Variants in DOCK3 observed in about 807,000 individuals in gnomAD.
The protein encoded by DOCK3 is dedicator of cytokinesis protein 3.
In DOCK3, 60 loss-of-function variants were observed where a neutral mutation model predicts 265.6. The observed-to-expected ratio is 0.23, with a 90% confidence interval of 0.18 to 0.28. The LOEUF (loss-of-function observed/expected upper bound fraction) is 0.28, where lower values mean the gene tolerates loss of function less well. Ranked by LOEUF, DOCK3 falls within the 10% of genes least tolerant of loss-of-function variation. The probability of loss-of-function intolerance (pLI) is 1.00; values close to 1 mark genes in which losing one functional copy is unlikely to be tolerated. For synonymous variants in DOCK3, 881 were observed against 938.0 expected, an observed-to-expected ratio of 0.94 and a Z score of 1.11; for missense variants, 1,981 against 2,594.3, an observed-to-expected ratio of 0.76 and a Z score of 5.14.
At chr3:51,202,678 A>G (rs1262555703) in intron 12 of DOCK3, among the ~76,000 whole-genome samples, 1 of 152,196 alleles carries the variant, frequency 6.6e-6, no homozygotes, top group African/African-American at 2.4e-5. Flanking sequence ...TGAGGCCAGC[A>G]TCATCCGGAT....
intron 1 of DOCK3, among the ~76,000 whole-genome samples, chr3:50,698,517 G>T (rs373532643): frequency 4.6e-4 from 9 of 19,504 alleles, no homozygotes; most frequent in East Asian, 9.4e-4. Flanking sequence ...TATGTTTTTG[G>T]TTTTTTTTTT....
intron 2 of DOCK3, among the ~76,000 whole-genome samples, chr3:50,827,262 T>C (rs2044819283): frequency 6.6e-6 from 1 of 152,166 alleles, no homozygotes; most frequent in African/African-American, 2.4e-5. Flanking sequence ...ATAACAATAC[T>C]ATAGGCTGGG....
intron 3 of DOCK3, among the ~76,000 whole-genome samples, chr3:50,881,683 A>G (rs1268162596): frequency 2.0e-5 from 3 of 152,230 alleles, no homozygotes; most frequent in Admixed American, 6.5e-5. Context: ...GAAAATGGCC[A>G]TACTGCCCAA....
intron 12 of DOCK3, among the ~76,000 whole-genome samples, chr3:51,205,216 G>A (rs2089116544): frequency 6.6e-6 from 1 of 151,136 alleles, no homozygotes; most frequent in East Asian, 1.9e-4. Flanking sequence ...AGAAAAAGAA[G>A]GTCCACATCT....
In DOCK3 at chr3:51,198,329, G is replaced by T. The variant is rs144946031; in HGVS notation, c.1038-10445G>T. ...TGTTCTCTTTACCTCCTTGTTCTGG[G>T]ATTCAGGGACAATTCTTTGAACATG... On this transcript the variant is annotated intron_variant, in intron 12 of 52. Transcript: ENST00000266037. Among the ~76,000 whole-genome samples, 13 of 152,252 alleles carry T rather than the reference G, an allele frequency of 8.5e-5. 1 individual carries two copies. The East Asian group carries it at 2.5e-3, about 29-fold the overall frequency.
intron 12 of DOCK3, among the ~76,000 whole-genome samples, chr3:51,173,605 A>G (rs1176704287): frequency 6.6e-6 from 1 of 152,148 alleles, no homozygotes; most frequent in Non-Finnish European, 1.5e-5. Flanking sequence ...TGGGAAAAGT[A>G]TTCTTGGGAT....
At chr3:50,951,328 T>C (rs924905626) in intron 5 of DOCK3, among the ~76,000 whole-genome samples, 5 of 152,204 alleles carry the variant, frequency 3.3e-5, no homozygotes, top group Non-Finnish European at 7.3e-5. Flanking sequence ...GCCTCAAACC[T>C]TGTCTCCAGC....
rs547917553 is a variant in DOCK3 at position 50,691,879 on chromosome 3, C to A, written c.37+16579C>A. Reference sequence around the variant, plus strand: ...TGTCTTTTTTGGAAAAATGTCTGTTCGAATCCTTTGCCCATTTTAAAAGTC... The same window carrying A: ...TGTCTTTTTTGGAAAAATGTCTGTTAGAATCCTTTGCCCATTTTAAAAGTC... On this transcript the variant is annotated intron_variant, in intron 1 of 52. Coordinates refer to ENST00000266037, the MANE Select transcript of DOCK3 (RefSeq NM_004947.5). Among the ~76,000 whole-genome samples the A allele has an allele frequency of 4.9e-4, 73 of 150,064 alleles. 1 individual carries two copies. The highest frequency in any genetic ancestry group is 2.3e-3 in the South Asian group (11 of 4,760).
intron 1 of DOCK3, among the ~76,000 whole-genome samples, chr3:50,741,131 CTA>C (rs199832484): frequency 8.0e-5 from 12 of 150,254 alleles, no homozygotes; most frequent in Admixed American, 2.0e-4. Flanking sequence ...TTTTGGATGA[CTA>C]TATATATATA....
intron 4 of DOCK3, among the ~76,000 whole-genome samples, chr3:50,913,019 A>C (rs1219003510): frequency 6.6e-6 from 1 of 152,050 alleles, no homozygotes; most frequent in Non-Finnish European, 1.5e-5. Flanking sequence ...CTCAAGCGGA[A>C]GTCTTGCCCT....
intron 1 of DOCK3, among the ~76,000 whole-genome samples, chr3:50,741,884 C>G (rs1439070289): frequency 1.3e-5 from 2 of 152,140 alleles, no homozygotes; most frequent in Non-Finnish European, 2.9e-5. Context: ...AGTTTACAGT[C>G]CCACCAACAG....
intron 6 of DOCK3, among the ~76,000 whole-genome samples, chr3:51,070,138 C>T (rs2081794040): frequency 1.3e-5 from 2 of 152,202 alleles, no homozygotes; most frequent in African/African-American, 4.8e-5. Flanking sequence ...TTATAACCTG[C>T]ACTCAGCACT....
chr3:51,008,737 T>C (rs779371356), intron 5 of DOCK3, among the ~76,000 whole-genome samples: 1 of 152,250 alleles, frequency 6.6e-6, no homozygotes, highest in African/African-American at 2.4e-5. Flanking sequence ...CCATTCAGTA[T>C]GATATTGGCT....
At chr3:51,110,867 C>T (rs1044824162) in intron 9 of DOCK3, among the ~76,000 whole-genome samples, 1 of 152,026 alleles carries the variant, frequency 6.6e-6, no homozygotes, top group South Asian at 2.1e-4. Context: ...AAGGCCTCTA[C>T]GTAGGAAGAG....
intron 4 of DOCK3, among the ~76,000 whole-genome samples, chr3:50,914,181 C>T (rs1338748134): frequency 1.3e-5 from 2 of 148,846 alleles, no homozygotes; most frequent in African/African-American, 5.0e-5. Flanking sequence ...TATTTTTTTC[C>T]TCAATTTTGT....
intron 3 of DOCK3, among the ~76,000 whole-genome samples, chr3:50,885,334 G>A (rs2048268921): frequency 6.7e-6 from 1 of 148,634 alleles, no homozygotes; most frequent in African/African-American, 2.5e-5. Context: ...TGGCATTTAT[G>A]AAGAAAAATG....
rs141575998 is a variant in DOCK3, at chr3:50,791,898, C to T, written c.121+13140C>T. Among the ~76,000 whole-genome samples the T allele has an allele frequency of 7.2e-5, 11 of 152,046 alleles. No individual in the cohort carries two copies. The East Asian group carries it at 1.9e-3, about 27-fold the overall frequency. ...GCTTTGTTCTTTTTGCTTAGGATTG[C>T]CTTGGCTATTCGGGATATTTTTTTA... On this transcript the variant is annotated intron_variant, in intron 2 of 52. Coordinates refer to ENST00000266037, the MANE Select transcript of DOCK3 (RefSeq NM_004947.5).
chr3:51,017,619 T>C (rs1360409833), intron 5 of DOCK3, among the ~76,000 whole-genome samples: 1 of 151,888 alleles, frequency 6.6e-6, no homozygotes, highest in African/African-American at 2.4e-5. Flanking sequence ...TGACTCACTT[T>C]TCATTCAGGA....
chr3:51,025,046 C>T (rs2079754972), intron 5 of DOCK3, among the ~76,000 whole-genome samples: 2 of 152,160 alleles, frequency 1.3e-5, no homozygotes, highest in South Asian at 4.1e-4. Flanking sequence ...GCACCAGCTG[C>T]CGTAATAACA....
Sources: gnomAD v4.1 joint callset for allele counts (sites outside exome capture counted in the v4.1 genomes callset) on GRCh38, gnomAD v4.1.1 for gene constraint, MANE v1.5 for transcripts, NCBI Gene and HGNC (gene_info 2026-07-23, HGNC 2026-07-21) for gene names.